The following EXOC6 variants were observed in gnomAD, a reference collection of about 807,000 sequenced individuals.
EXOC6 encodes the protein SEC15-like 1.
In EXOC6, 60 loss-of-function variants were observed where a neutral mutation model predicts 112.5. The ratio of observed to expected loss-of-function variants is 0.53; its 90% CI spans 0.43 to 0.66. The LOEUF (loss-of-function observed/expected upper bound fraction) is 0.66, where lower values mean the gene tolerates loss of function less well. EXOC6 is among the 30% of genes least tolerant of loss of function. The pLI is 0.00. For synonymous variants in EXOC6, 295 were observed against 308.0 expected (o/e 0.96, Z 0.44); for missense variants, 855 against 957.1 (o/e 0.89, Z 1.41).
At chr10:92,879,069 C>CT (rs541430733) in intron 1 of EXOC6, among the ~76,000 whole-genome samples, 280 of 152,272 alleles carry the variant, frequency 1.8e-3, no homozygotes, top group African/African-American at 6.2e-3. Flanking sequence ...TCAGGATATA[C>CT]TTTATACAAT....
rs533985567 is a variant in EXOC6 at position 92,885,789 on chromosome 10, AC to A, written c.102-7552del. The stretch of plus-strand genomic sequence containing the variant: ...GCTTTTGGAAGGGATGACTGAGCTA[AC>A]CCCCCCCTCTTTTTTACTTTTAAAC... On this transcript the variant is annotated intron_variant, in intron 1 of 21. Transcript: ENST00000260762. 5.0e-4 allele frequency among the ~76,000 whole-genome samples: 76 copies of A among 150,550 alleles called. 1 individual carries two copies. The highest frequency in any genetic ancestry group is 7.8e-4 in the Non-Finnish European group (53 of 67,576).
intron 17 of EXOC6, 62 bp downstream of exon 17, chr10:92,955,776 A>G: frequency 1.4e-6 from 2 of 1,475,526 alleles, no homozygotes; most frequent in East Asian, 2.3e-5. Flanking sequence ...TTAAGAAATT[A>G]AAGACCGTTC....
Position 93,014,188 on chromosome 10 carries a change from TAA to T in EXOC6, c.2096-5_2096-4del. On this transcript the variant is annotated splice_region_variant and splice_polypyrimidine_tract_variant and intron_variant, in intron 19 of 21. Coordinates refer to ENST00000260762, the MANE Select transcript of EXOC6 (RefSeq NM_019053.6). ...TTTTATTCTTTTTTTTTCTTTCTTTTAATAGTGTTTGCCAGCTCTGAGCCTGT... is the reference window on the plus strand; with the variant it reads ...TTTTATTCTTTTTTTTTCTTTCTTTTTAGTGTTTGCCAGCTCTGAGCCTGT... 1 of 1,610,136 alleles carries T rather than the reference TAA, an allele frequency of 6.2e-7. No individual in the cohort carries two copies. Among genetic ancestry groups the T allele is most frequent in the Non-Finnish European group, 8.5e-7 (1 of 1,177,454 alleles).
chr10:93,032,000 A>AT (rs34063166), intron 20 of EXOC6, among the ~76,000 whole-genome samples: 1 of 152,324 alleles, frequency 6.6e-6, no homozygotes, highest in South Asian at 2.1e-4. Context: ...GGCATTACAC[A>AT]TTTGACCACT....
chr10:92,843,062 G>A (rs559980772), intron 1 of EXOC6, among the ~76,000 whole-genome samples: 1 of 152,248 alleles, frequency 6.6e-6, no homozygotes, highest in East Asian at 1.9e-4. Flanking sequence ...AAAACCCGGG[G>A]CTAGTTGCTT....
At chr10:92,831,216 T>G, upstream of EXOC6, 4 of 593,730 alleles carry the variant, frequency 6.7e-6, no homozygotes, top group Admixed American at 2.5e-5. Flanking sequence ...GGGGTGGGAG[T>G]AGAGGGAGGG....
chr10:92,828,418 C>T (rs1026520193), intron 1 of EXOC6, among the ~76,000 whole-genome samples: 2 of 152,196 alleles, frequency 1.3e-5, no homozygotes, highest in South Asian at 2.1e-4. Context: ...ACTGCAACCT[C>T]GGCCTCCCGG....
chr10:92,850,012 CATT>C (rs1234054087), intron 1 of EXOC6, among the ~76,000 whole-genome samples: 3 of 152,122 alleles, frequency 2.0e-5, no homozygotes, highest in African/African-American at 4.8e-5. Context: ...AATTTTCCAA[CATT>C]ATTATTTCTT....
At chr10:92,996,619 A>AC (rs892800359) in intron 18 of EXOC6, among the ~76,000 whole-genome samples, 14 of 151,764 alleles carry the variant, frequency 9.2e-5, no homozygotes, top group African/African-American at 3.4e-4. Context: ...AAAAAAAAAA[A>AC]ATTAATTTAC....
intron 1 of EXOC6, among the ~76,000 whole-genome samples, chr10:92,875,846 A>G (rs767255813): frequency 8.5e-5 from 13 of 152,124 alleles, no homozygotes; most frequent in Non-Finnish European, 1.9e-4. Flanking sequence ...TATAATATAT[A>G]GAAATTTTCA....
intron 1 of EXOC6, among the ~76,000 whole-genome samples, chr10:92,882,368 A>AC (rs1307266938): frequency 6.6e-6 from 1 of 151,722 alleles, no homozygotes; most frequent in Non-Finnish European, 1.5e-5. Context: ...ACATGGTGAA[A>AC]CCCCATCTCT....
intron 6 of EXOC6, among the ~76,000 whole-genome samples, chr10:92,914,838 C>G (rs1266281194): frequency 6.6e-6 from 1 of 152,174 alleles, no homozygotes; most frequent in East Asian, 1.9e-4. Flanking sequence ...TAGCAACAAT[C>G]TGACCCATCA....
At chr10:93,041,436 G>A (rs1485904291) in intron 20 of EXOC6, among the ~76,000 whole-genome samples, 1 of 152,124 alleles carries the variant, frequency 6.6e-6, no homozygotes, top group Non-Finnish European at 1.5e-5. Flanking sequence ...CTGTTGCCCA[G>A]GCTGGAATGC....
intron 17 of EXOC6, among the ~76,000 whole-genome samples, chr10:92,964,564 C>T (rs115983512): frequency 0.014 from 2,192 of 152,176 alleles, 40 homozygotes; most frequent in African/African-American, 0.049. Flanking sequence ...ACATGTATTT[C>T]CCTTGCTTTA....
chr10:92,962,059 A>G (rs2134042997), intron 17 of EXOC6, among the ~76,000 whole-genome samples: 1 of 152,344 alleles, frequency 6.6e-6, no homozygotes, highest in Middle Eastern at 3.4e-3. Flanking sequence ...GATAATCCAA[A>G]GACTGGATTT....
chr10:93,046,067 C>T (rs1333503558), intron 20 of EXOC6, among the ~76,000 whole-genome samples: 1 of 152,156 alleles, frequency 6.6e-6, no homozygotes, highest in Non-Finnish European at 1.5e-5. Flanking sequence ...GATATGGGCT[C>T]AGTGTAGACT....
At chr10:92,844,082 C>T (rs1342037130), upstream of EXOC6, among the ~76,000 whole-genome samples, 3 of 136,800 alleles carry the variant, frequency 2.2e-5, no homozygotes, top group African/African-American at 5.6e-5. Flanking sequence ...ACTTGGAGGG[C>T]GGAGGTTGCA....
chr10:92,829,087 T>A (rs965236186), intron 1 of EXOC6, among the ~76,000 whole-genome samples: 1 of 152,170 alleles, frequency 6.6e-6, no homozygotes, highest in South Asian at 2.1e-4. Context: ...AAAGGCCACC[T>A]GGGACTAAGC....
intron 1 of EXOC6, among the ~76,000 whole-genome samples, chr10:92,879,638 G>C (rs1848852720): frequency 6.6e-6 from 1 of 152,058 alleles, no homozygotes; most frequent in Non-Finnish European, 1.5e-5. Flanking sequence ...GTTTTTGTTT[G>C]TATTTGATTG....
Sources: allele counts gnomAD v4.1 joint callset (sites outside exome capture counted in the v4.1 genomes callset), GRCh38; gene constraint gnomAD v4.1.1; transcripts MANE v1.5; gene names NCBI Gene and HGNC (gene_info 2026-07-23, HGNC 2026-07-21).